The following PLEC variants were observed in gnomAD, a reference collection of about 807,000 sequenced individuals.
The protein encoded by PLEC is hemidesmosomal protein 1.
In PLEC, 216 loss-of-function variants were observed where a neutral mutation model predicts 392.8. The observed-to-expected ratio is 0.55, with a 90% CI of 0.49 to 0.62. The LOEUF (loss-of-function observed/expected upper bound fraction) is 0.62. Ranked by LOEUF, PLEC falls within the 20% of genes least tolerant of loss-of-function variation. The pLI is 0.00. For synonymous variants in PLEC, 3,621 were observed against 2,980.6 expected, an observed-to-expected ratio of 1.21 and a Z score of -7.00; for missense variants, 6,863 against 6,563.4, an observed-to-expected ratio of 1.05 and a Z score of -1.58.
At position 143,923,299 on chromosome 8, in the gene PLEC, C is replaced by T. The variant is rs782151001; in HGVS notation, c.6630G>A (p.Gln2210=). The T allele has an allele frequency of 1.9e-6, 3 of 1,609,168 alleles. No homozygotes were observed. In the South Asian group the frequency reaches 3.3e-5, roughly 18 times the overall value. ...HQKNLLDEEL[Q]RLKAEATEAA... ...CCTCCGTGGCCTCCGCCTTCAGCCG[C>T]TGCAGCTCCTCGTCCAGCAGGTTCT... is the stretch of plus-strand genomic sequence containing the variant. Residue 2210 remains glutamine, a synonymous_variant, in exon 31 of 32, where the codon CAG becomes CAA. Transcript: ENST00000345136.
rs535089650 is a variant in PLEC at position 143,920,750 on chromosome 8, T to G, written c.9071A>C (p.Asn3024Thr). The change falls in exon 32 of 32, where the codon AAC becomes ACC. Residue 3024 changes from asparagine to threonine, a missense_variant. Physicochemically the swap from Asn to Thr is moderately conservative, Grantham distance 65. Coordinates refer to ENST00000345136, the MANE Select transcript of PLEC (RefSeq NM_201384.3). ...CTCCAGCCATACACCCGCGATGACG[T>G]TGGCACCCCGGAGAGCCCGCCGCAC... ...DTVRRALRGA[N>T]VIAGVWLEEA... 1.2e-5 allele frequency: 20 copies of G among 1,605,344 alleles called. No individual in the cohort carries two copies. Among genetic ancestry groups the G allele is most frequent in the African/African-American group, 2.7e-5 (2 of 74,932 alleles).
At chr8:143,949,332 C>T (rs782747974) in intron 1 of PLEC, among the ~76,000 whole-genome samples, 14 of 152,220 alleles carry the variant, frequency 9.2e-5, no homozygotes, top group East Asian at 3.8e-4. Context: ...CCGGGCCATC[C>T]GGAGCCAGCA....
Position 143,921,896 on chromosome 8 carries a change from G to T in PLEC, c.7925C>A (p.Pro2642Gln), listed in dbSNP as rs782183501. Reference sequence around the variant, plus strand: ...CCGCAGGCCATCGAAGCTGTGCTCCGGCTCTGCCTCTGCCGCGGGGCCATC... The same window carrying T: ...CCGCAGGCCATCGAAGCTGTGCTCCTGCTCTGCCTCTGCCGCGGGGCCATC... ...ALDGPAAEAE[P>Q]EHSFDGLRRK... is the part of the protein sequence containing the mutation. The change falls in exon 32 of 32, where the codon CCG (proline) becomes CAG (glutamine). Residue 2642 changes from proline to glutamine, a missense_variant. Physicochemically the swap from Pro to Gln is moderately conservative, Grantham distance 76. Coordinates refer to ENST00000345136, the MANE Select transcript of PLEC (RefSeq NM_201384.3). 2.5e-6 allele frequency: 4 copies of T among 1,600,482 alleles called. No individual in the cohort carries two copies. In the Admixed American group the frequency reaches 6.7e-5, roughly 27 times the overall value.
rs1554694346 is a variant in PLEC at position 143,923,818 on chromosome 8, C to G, written c.6111G>C (p.Gln2037His). Reference protein sequence around the residue: ...RAEQESARQLQLAQEAAQKRL... With the variant: ...RAEQESARQLHLAQEAAQKRL... ...GCTTCTGGGCGGCCTCCTGGGCCAG[C>G]TGCAGCTGCCGCGCCGACTCCTGCT... Residue 2037 changes from glutamine (Q) to histidine (H), a missense_variant, in exon 31 of 32, where the codon CAG (glutamine) becomes CAC (histidine). Transcript: ENST00000345136. The G allele has an allele frequency of 6.3e-7, 1 of 1,583,398 alleles. No homozygotes were observed. Among genetic ancestry groups the G allele is most frequent in the Non-Finnish European group, 8.5e-7 (1 of 1,172,870 alleles).
Position 143,917,402 on chromosome 8 carries a change from C to T in PLEC, c.12419G>A (p.Arg4140Gln), listed in dbSNP as rs905061865. ...CGTCTCGGGGTCCACGATGACCACT[C>T]GGCGCTTGCGCACGGAGGACTTGGA... ...TSSKSSVRKR[R>Q]VVIVDPETGK... is the part of the protein sequence containing the mutation. Residue 4140 changes from arginine (R) to glutamine (Q), a missense_variant, in exon 32 of 32, where the codon CGA becomes CAA. Coordinates refer to ENST00000345136, the MANE Select transcript of PLEC (RefSeq NM_201384.3). 39 of 1,612,352 alleles carry T rather than the reference C, an allele frequency of 2.4e-5. No homozygotes were observed. The highest frequency in any genetic ancestry group is 3.3e-5 in the South Asian group (3 of 91,082).
At chr8:143,951,241 G>A (rs1314314979), upstream of PLEC, among the ~76,000 whole-genome samples, 2 of 152,270 alleles carry the variant, frequency 1.3e-5, no homozygotes, top group South Asian at 2.1e-4. Context: ...AGGGGTACTC[G>A]GCAGGGATGT....
Position 143,920,136 on chromosome 8 carries a change from G to A in PLEC, c.9685C>T (p.Gln3229Ter). 6.2e-7 allele frequency: 1 copy of A among 1,612,848 alleles called. No homozygotes were observed. The highest frequency in any genetic ancestry group is 1.6e-4 in the Middle Eastern group (1 of 6,062). Reference sequence around the variant, plus strand: ...GTCTTTTCAAAGGTCTCACGGGCCTGCAGCTCTGAGTAGAGCTCCTCCTGC... The same window carrying A: ...GTCTTTTCAAAGGTCTCACGGGCCTACAGCTCTGAGTAGAGCTCCTCCTGC... ...ARQEELYSEL[Q>*]ARETFEKTPV... is the part of the protein sequence containing the mutation. The change falls in exon 32 of 32, where the codon CAG becomes TAG. Residue 3229 changes from glutamine to a stop codon, truncating the protein, a stop_gained. Transcript: ENST00000345136. LOFTEE classifies it high-confidence loss of function.
rs1373398236 is a variant in PLEC, at chr8:143,916,396, G to A, written c.13425C>T (p.Tyr4475=). Residue 4475 remains tyrosine (Y), a synonymous_variant, in exon 32 of 32, where the codon TAC becomes TAT. Coordinates refer to ENST00000345136, the MANE Select transcript of PLEC (RefSeq NM_201384.3). ...CGGAGCCGCTGACGCTGTAGGGGCT[G>A]TAGTAGCCCTTGGTGGACTGCGCGG... ...EAAAQSTKGY[Y]SPYSVSGSGS... 1.2e-5 allele frequency: 20 copies of A among 1,610,942 alleles called. No individual in the cohort carries two copies. The highest frequency in any genetic ancestry group is 1.2e-4 in the Admixed American group (7 of 59,958).
At position 143,922,680 on chromosome 8, in the gene PLEC, G is replaced by A; in HGVS notation, c.7249C>T (p.Leu2417=). 6.2e-7 allele frequency: 1 copy of A among 1,613,128 alleles called. No individual in the cohort carries two copies. Among genetic ancestry groups the A allele is most frequent in the Non-Finnish European group, 8.5e-7 (1 of 1,179,878 alleles). Residue 2417 remains leucine (L), a synonymous_variant, in exon 31 of 32, where the codon CTG becomes TTG. Transcript: ENST00000345136. ...RKQAEEIGEK[L]HRTELATQEK... ...TGGGTGGCGAGCTCCGTGCGGTGCA[G>A]CTTCTCACCGATCTCCTCCGCCTGC...
At chr8:143,931,173 G>A (rs569255568) in intron 19 of PLEC, among the ~76,000 whole-genome samples, 12 of 152,312 alleles carry the variant, frequency 7.9e-5, no homozygotes, top group Admixed American at 4.6e-4. Context: ...AAGGGCTGGC[G>A]GCAGCTGCTG....
rs782362687 is a variant in PLEC at position 143,935,957 on chromosome 8, G to A, written c.493C>T (p.Leu165=). The change falls in exon 6 of 32, where the codon CTG becomes TTG. Residue 165 remains leucine (L), a synonymous_variant. Coordinates refer to ENST00000345136, the MANE Select transcript of PLEC (RefSeq NM_201384.3). ...SEDMTAKEKL[L]LWSQRMVEGY... ...TCCACCATTCGCTGCGACCACAGCA[G>A]CAGCTTCTCCTTGGCCGTCATGTCC... 1 of 1,612,900 alleles carries A rather than the reference G, an allele frequency of 6.2e-7. No homozygotes were observed. The highest frequency in any genetic ancestry group is 8.5e-7 in the Non-Finnish European group (1 of 1,179,978).
intron 10 of PLEC, 45 bp from the exon 11 acceptor site, chr8:143,934,490 G>T: frequency 6.2e-7 from 1 of 1,608,086 alleles, no homozygotes; most frequent in Non-Finnish European, 8.5e-7. Context: ...AGGGGGCAGG[G>T]GGTGGGGCGC....
chr8:143,945,414 C>T (rs1217668758), intron 1 of PLEC: 4 of 321,434 alleles, frequency 1.2e-5, no homozygotes, highest in Non-Finnish European at 2.5e-5. Context: ...GGCAGGCCCA[C>T]AGCATATCCT....
Position 143,922,059 on chromosome 8 carries a change from C to T in PLEC, c.7762G>A (p.Ala2588Thr). The T allele has an allele frequency of 1.3e-6, 2 of 1,590,892 alleles. No individual in the cohort carries two copies. The highest frequency in any genetic ancestry group is 1.7e-6 in the Non-Finnish European group (2 of 1,176,624). ...QQRRQQEELL[A>T]EENQRLREQL... The stretch of plus-strand genomic sequence containing the variant: ...TCACGCAGCCTCTGGTTCTCCTCAG[C>T]CAGCAGCTCCTCCTGCTGCCGCCGC... Residue 2588 changes from alanine (A) to threonine (T), a missense_variant, in exon 32 of 32, where the codon GCT (alanine) becomes ACT (threonine). Coordinates refer to ENST00000345136, the MANE Select transcript of PLEC (RefSeq NM_201384.3).
rs371832085 is a variant in PLEC, at chr8:143,917,565, C to T, written c.12256G>A (p.Asp4086Asn). 6 of 1,613,910 alleles carry T rather than the reference C, an allele frequency of 3.7e-6. No individual in the cohort carries two copies. Among genetic ancestry groups the T allele is most frequent in the Admixed American group, 1.7e-5 (1 of 60,018 alleles). Residue 4086 changes from aspartate (D) to asparagine (N), a missense_variant, in exon 32 of 32, where the codon GAC (aspartate) becomes AAC (asparagine). By Grantham distance (23) the Asp-to-Asn change is conservative. Transcript: ENST00000345136. ...TTAGGGTCAAAGAAGCCCTTGGTGT[C>T]GTCCGAGGGGTCGGTCAGGATCTCG... is the stretch of plus-strand genomic sequence containing the variant. ...MNEILTDPSDDTKGFFDPNTE... is the reference protein window; with the variant it reads ...MNEILTDPSDNTKGFFDPNTE...
chr8:143,932,940 G>C lies in PLEC; in HGVS notation c.1590C>G (p.Ala530=), dbSNP rs1273526297. The change falls in exon 14 of 32, where the codon GCC becomes GCG. Residue 530 remains alanine (A), a synonymous_variant. Coordinates refer to ENST00000345136, the MANE Select transcript of PLEC (RefSeq NM_201384.3). The part of the protein sequence containing the change: ...STLRYLQDLL[A]WVEENQHRVD... ...CACGGTGCTGGTTCTCCTCCACCCA[G>C]GCCAGCAGGTCCTGCAGGTAGCGCA... 2.5e-6 allele frequency: 4 copies of C among 1,612,592 alleles called. No individual in the cohort carries two copies. The African/African-American group carries it at 5.3e-5, about 22-fold the overall frequency.
rs535828050 is a variant in PLEC, at chr8:143,926,844, T to C, written c.3984A>G (p.Thr1328=). ...DLRTHYSELT[T]LTSQYIKFIS... Reference sequence around the variant, plus strand: ...TGAACTTGATGTACTGGCTCGTCAGTGTGGTCAGCTCGCTGTAGTGCGTAC... The same window carrying C: ...TGAACTTGATGTACTGGCTCGTCAGCGTGGTCAGCTCGCTGTAGTGCGTAC... The change falls in exon 30 of 32, where the codon ACA becomes ACG. Residue 1328 remains threonine, a synonymous_variant. Transcript: ENST00000345136. The C allele has an allele frequency of 2.5e-5, 40 of 1,613,636 alleles. No homozygotes were observed. In the East Asian group the frequency reaches 7.4e-4, roughly 30 times the overall value.
intron 2 of PLEC, 104 bp downstream of exon 2, chr8:143,938,527 G>T: frequency 6.5e-7 from 1 of 1,542,218 alleles, no homozygotes; most frequent in Non-Finnish European, 9.0e-7. Flanking sequence ...TGAAAGGTGA[G>T]CACACAGGCA....
rs267601822 is a variant in PLEC at position 143,917,077 on chromosome 8, G to A, written c.12744C>T (p.Ser4248=). The part of the protein sequence containing the change: ...GNAGGFRSRS[S]SVGSSSSYPI... ...GGTAGGAGGAGGAGGATCCCACCGA[G>A]GAGGAACGGGAGCGGAAACCACCGG... The change falls in exon 32 of 32, where the codon TCC becomes TCT. Residue 4248 remains serine (S), a synonymous_variant. Coordinates refer to ENST00000345136, the MANE Select transcript of PLEC (RefSeq NM_201384.3). 1 of 1,607,310 alleles carries A rather than the reference G, an allele frequency of 6.2e-7. No individual in the cohort carries two copies. The highest frequency in any genetic ancestry group is 1.1e-5 in the South Asian group (1 of 91,010).
Sources: gnomAD v4.1 joint callset for allele counts (sites outside exome capture counted in the v4.1 genomes callset) on GRCh38, gnomAD v4.1.1 for gene constraint, MANE v1.5 for transcripts, NCBI Gene and HGNC (gene_info 2026-07-23, HGNC 2026-07-21) for gene names.